Variants in CACNG2 observed in about 807,000 individuals in gnomAD.
CACNG2 encodes the protein calcium voltage-gated channel auxiliary subunit gamma 2, also known as voltage-dependent calcium channel gamma-2 subunit.
In CACNG2, 3 loss-of-function variants were observed where a neutral mutation model predicts 25.9. The observed-to-expected ratio is 0.12, with a 90% CI of 0.05 to 0.30. The LOEUF (loss-of-function observed/expected upper bound fraction) is 0.30. Among genes scored for constraint, CACNG2 ranks in the 10% least tolerant of loss-of-function variants. The pLI, the probability that CACNG2 is intolerant of heterozygous loss-of-function variation, is 1.00. For synonymous variants in CACNG2, 167 were observed against 173.3 expected, an observed-to-expected ratio of 0.96 and a Z score of 0.29; for missense variants, 341 against 432.5, an observed-to-expected ratio of 0.79 and a Z score of 1.88.
At chr22:36,650,498 A>C (rs747190800) in intron 1 of CACNG2, among the ~76,000 whole-genome samples, 6 of 151,892 alleles carry the variant, frequency 4.0e-5, no homozygotes, top group Non-Finnish European at 8.8e-5. Flanking sequence ...CAACCTCCTA[A>C]GTATAGCTGG....
chr22:36,619,919 A>G (rs937011578), intron 1 of CACNG2, among the ~76,000 whole-genome samples: 12 of 152,264 alleles, frequency 7.9e-5, no homozygotes, highest in African/African-American at 2.7e-4. Context: ...TAAGAGTTAA[A>G]TGCTGTCACT....
intron 1 of CACNG2, among the ~76,000 whole-genome samples, chr22:36,607,381 G>A (rs1469520602): frequency 6.6e-6 from 1 of 151,998 alleles, no homozygotes; most frequent in Non-Finnish European, 1.5e-5. Context: ...TCAGCCTCCT[G>A]AGTAGCTGGG....
intron 1 of CACNG2, among the ~76,000 whole-genome samples, chr22:36,630,036 C>T (rs1363794751): frequency 1.3e-5 from 2 of 152,138 alleles, no homozygotes; most frequent in Non-Finnish European, 2.9e-5. Flanking sequence ...GGAGAGGGAA[C>T]AGCAAGGCTT....
intron 1 of CACNG2, among the ~76,000 whole-genome samples, chr22:36,634,603 C>T (rs1569036063): frequency 6.6e-6 from 1 of 152,148 alleles, no homozygotes; most frequent in East Asian, 1.9e-4. Flanking sequence ...TTGAAATAGA[C>T]TTTGTTTTTT....
At chr22:36,677,566 G>C (rs1297681296) in intron 1 of CACNG2, among the ~76,000 whole-genome samples, 1 of 152,156 alleles carries the variant, frequency 6.6e-6, no homozygotes, top group African/African-American at 2.4e-5. Flanking sequence ...GGAGAATGCA[G>C]ATTTAACCCA....
chr22:36,629,982 G>T (rs138425596), intron 1 of CACNG2, among the ~76,000 whole-genome samples: 1 of 152,164 alleles, frequency 6.6e-6, no homozygotes, highest in Non-Finnish European at 1.5e-5. Context: ...CTTCCATGCT[G>T]CCCCCTGCAT....
In CACNG2 at chr22:36,564,894, G is replaced by T; in HGVS notation, c.437-8C>A. The T allele has an allele frequency of 6.2e-7, 1 of 1,609,718 alleles. No individual in the cohort carries two copies. Among genetic ancestry groups the T allele is most frequent in the Non-Finnish European group, 8.5e-7 (1 of 1,179,726 alleles). On this transcript the variant is annotated splice_polypyrimidine_tract_variant and splice_region_variant and intron_variant, in intron 3 of 3. Transcript: ENST00000300105. The surrounding 1 kb of genome is among the most constrained non-coding windows in gnomAD (Gnocchi z 6.7). ...CAATGATGTTACTCAGACCTGCGGG[G>T]CGCAGGGTGGCGGGGTGGGGGATCA...
At chr22:36,692,183 G>GT (rs999363758) in intron 1 of CACNG2, among the ~76,000 whole-genome samples, 1 of 152,170 alleles carries the variant, frequency 6.6e-6, no homozygotes, top group Non-Finnish European at 1.5e-5. Flanking sequence ...GATGGAGGGG[G>GT]TGGCAAGACA....
chr22:36,679,781 G>A (rs1020307352), intron 1 of CACNG2, among the ~76,000 whole-genome samples: 42 of 152,076 alleles, frequency 2.8e-4, no homozygotes, highest in African/African-American at 8.9e-4. Flanking sequence ...GGTGGAACTT[G>A]GTTAGAAATA....
At chr22:36,622,795 C>G (rs1936125202) in intron 1 of CACNG2, among the ~76,000 whole-genome samples, 1 of 151,828 alleles carries the variant, frequency 6.6e-6, no homozygotes, top group Non-Finnish European at 1.5e-5. Context: ...CCCGTCTCTA[C>G]CAATAATACA....
intron 1 of CACNG2, among the ~76,000 whole-genome samples, chr22:36,669,504 T>C (rs1450989556): frequency 3.5e-5 from 3 of 86,722 alleles, no homozygotes; most frequent in Non-Finnish European, 6.0e-5. Context: ...TGAAACTCTA[T>C]CTCCAAAAAA....
chr22:36,566,206 AC>A (rs2145905028), intron 3 of CACNG2, 146 bp downstream of exon 3: 1 of 797,348 alleles, frequency 1.3e-6, no homozygotes, highest in East Asian at 2.6e-5. Context: ...CCCCCCCACC[AC>A]CTTCCTCCCC....
At chr22:36,669,537 C>CAT (rs1037367458) in intron 1 of CACNG2, among the ~76,000 whole-genome samples, 7 of 126,086 alleles carry the variant, frequency 5.6e-5, no homozygotes, top group Non-Finnish European at 1.0e-4. Flanking sequence ...AAAAAAAGAA[C>CAT]ATCTTCTCTG....
intron 1 of CACNG2, among the ~76,000 whole-genome samples, chr22:36,669,612 T>C (rs895198145): frequency 1.3e-5 from 2 of 152,056 alleles, no homozygotes; most frequent in Admixed American, 6.6e-5. Context: ...TGATTGTGTG[T>C]TTGTGCATGT....
chr22:36,595,315 T>A (rs911541487), intron 1 of CACNG2, among the ~76,000 whole-genome samples: 5 of 152,160 alleles, frequency 3.3e-5, no homozygotes, highest in Non-Finnish European at 7.4e-5. Flanking sequence ...GCCAGCAGTG[T>A]GCGGGCCGGC....
chr22:36,647,488 C>T (rs1601434662), intron 1 of CACNG2, among the ~76,000 whole-genome samples: 1 of 152,102 alleles, frequency 6.6e-6, no homozygotes, highest in Non-Finnish European at 1.5e-5. Context: ...CCCAGCTACT[C>T]GGGAGGCTGA....
intron 1 of CACNG2, among the ~76,000 whole-genome samples, chr22:36,611,402 T>A (rs1935936869): frequency 1.3e-5 from 2 of 152,166 alleles, no homozygotes; most frequent in African/African-American, 4.8e-5. Flanking sequence ...CCAGGTCAGG[T>A]GCAGACTCTT....
At chr22:36,681,626 G>A (rs934471183) in intron 1 of CACNG2, among the ~76,000 whole-genome samples, 1 of 152,068 alleles carries the variant, frequency 6.6e-6, no homozygotes, top group Admixed American at 6.5e-5. Context: ...TTTGTCTCTT[G>A]TCAAAACTCA....
chr22:36,575,435 G>A lies in CACNG2; in HGVS notation c.296-8942C>T, dbSNP rs550044542. On this transcript the variant is annotated intron_variant, in intron 2 of 3. Transcript: ENST00000300105. ...GCTGTGACATGGTGCTTCATGGTGGGCATAGCCAGAGGCCAGGCCAGACAG... is the reference window on the plus strand; with the variant it reads ...GCTGTGACATGGTGCTTCATGGTGGACATAGCCAGAGGCCAGGCCAGACAG... Among the ~76,000 whole-genome samples, 9 of 152,182 alleles carry A rather than the reference G, an allele frequency of 5.9e-5. 1 individual carries two copies. In the East Asian group the frequency reaches 1.7e-3, roughly 29 times the overall value.
Sources: allele counts gnomAD v4.1 joint callset (sites outside exome capture counted in the v4.1 genomes callset), GRCh38; gene constraint gnomAD v4.1.1; non-coding constraint Gnocchi (gnomAD v3.1); transcripts MANE v1.5; gene names NCBI Gene and HGNC (gene_info 2026-07-23, HGNC 2026-07-21).